The following MED12L variants were observed in gnomAD, a reference collection of about 807,000 sequenced individuals.
MED12L encodes mediator complex subunit 12L.
In MED12L, 60 loss-of-function variants were observed where a neutral mutation model predicts 281.3. The ratio of observed to expected loss-of-function variants is 0.21; its 90% CI spans 0.17 to 0.26. The LOEUF is 0.26. Ranked by LOEUF, MED12L falls within the 10% of genes least tolerant of loss-of-function variation. MED12L has a pLI of 1.00. For synonymous variants in MED12L, 974 were observed against 987.2 expected (o/e 0.99, Z 0.25); for missense variants, 2,146 against 2,680.9 (o/e 0.80, Z 4.41).
intron 17 of MED12L, 85 bp from the exon 18 acceptor site, chr3:151,355,036 C>A: frequency 1.1e-6 from 1 of 935,060 alleles, no homozygotes; most frequent in Non-Finnish European, 1.7e-6. Context: ...TGTATGTATG[C>A]TATACTTTAA....
chr3:151,198,585 C>T (rs758643394), intron 16 of MED12L: 1 of 1,613,894 alleles, frequency 6.2e-7, no homozygotes, highest in African/African-American at 1.3e-5. Flanking sequence ...AGTGTAGCCT[C>T]TTTGGCTTTG....
At chr3:151,369,013 G>A (rs527363901) in intron 25 of MED12L, among the ~76,000 whole-genome samples, 8 of 151,876 alleles carry the variant, frequency 5.3e-5, no homozygotes, top group Non-Finnish European at 1.0e-4. Flanking sequence ...CACCTGCCTC[G>A]GCCTCCCAAA....
intron 27 of MED12L, 95 bp downstream of exon 27, chr3:151,372,861 CT>C (rs1756363495): frequency 6.0e-5 from 51 of 844,402 alleles, no homozygotes; most frequent in Non-Finnish European, 7.4e-5. Flanking sequence ...ATAGGTGGGC[CT>C]TTTTTTCTTG....
At chr3:151,318,747 G>T (rs1337705437) in intron 16 of MED12L, among the ~76,000 whole-genome samples, 1 of 152,074 alleles carries the variant, frequency 6.6e-6, no homozygotes, top group Non-Finnish European at 1.5e-5. Flanking sequence ...AAAAGAGAGG[G>T]CCCTACTGTG....
chr3:151,355,568 A>C (rs1479467014), intron 18 of MED12L, among the ~76,000 whole-genome samples: 2 of 152,208 alleles, frequency 1.3e-5, no homozygotes, highest in Non-Finnish European at 1.5e-5. Flanking sequence ...ATACTACGAC[A>C]TTGAGAAGAA....
chr3:151,281,764 G>A (rs571650597), intron 16 of MED12L, among the ~76,000 whole-genome samples: 17 of 152,080 alleles, frequency 1.1e-4, no homozygotes, highest in Middle Eastern at 3.4e-3. Flanking sequence ...CCCACCCCAC[G>A]TGCTCACACA....
intron 39 of MED12L, among the ~76,000 whole-genome samples, chr3:151,400,869 A>G (rs1446253353): frequency 6.6e-6 from 1 of 152,220 alleles, no homozygotes; most frequent in African/African-American, 2.4e-5. Context: ...TGCACTTACT[A>G]GCTTTATTAA....
intron 20 of MED12L, among the ~76,000 whole-genome samples, chr3:151,360,033 C>A (rs1345288933): frequency 6.6e-6 from 1 of 152,142 alleles, no homozygotes; most frequent in African/African-American, 2.4e-5. Flanking sequence ...TGCTTATGCA[C>A]TTGAAAATGG....
intron 16 of MED12L, among the ~76,000 whole-genome samples, chr3:151,206,301 G>A (rs964106685): frequency 6.6e-6 from 1 of 151,590 alleles, no homozygotes; most frequent in African/African-American, 2.4e-5. Context: ...ATACATGTTT[G>A]GAAATGATTT....
chr3:151,348,622 C>G (rs2150009564), intron 16 of MED12L, among the ~76,000 whole-genome samples: 1 of 149,116 alleles, frequency 6.7e-6, no homozygotes. Flanking sequence ...CATTAAGAAT[C>G]ATTTGGGGGT....
chr3:151,121,127 C>T (rs960213750), intron 3 of MED12L, among the ~76,000 whole-genome samples: 1 of 152,180 alleles, frequency 6.6e-6, no homozygotes, highest in African/African-American at 2.4e-5. Flanking sequence ...GTGTTTTGTG[C>T]TCTTGGTGCA....
At chr3:151,355,446 C>T (rs1172987727) in intron 18 of MED12L, among the ~76,000 whole-genome samples, 1 of 151,886 alleles carries the variant, frequency 6.6e-6, no homozygotes, top group East Asian at 1.9e-4. Flanking sequence ...CTTTTTTTGT[C>T]CTTATGATAA....
At chr3:151,295,247 TG>T (rs1036541662) in intron 16 of MED12L, 2 of 1,430,334 alleles carry the variant, frequency 1.4e-6, no homozygotes, top group South Asian at 1.2e-5. Flanking sequence ...CTTCAGTGCT[TG>T]GCAAGCATGC....
chr3:151,356,630 T>TG, intron 19 of MED12L, among the ~76,000 whole-genome samples: 1 of 152,192 alleles, frequency 6.6e-6, no homozygotes, highest in African/African-American at 2.4e-5. Flanking sequence ...TCTGTTTTTT[T>TG]TTGTTGTTGT....
intron 16 of MED12L, among the ~76,000 whole-genome samples, chr3:151,233,264 C>A (rs1272329975): frequency 6.6e-6 from 1 of 152,202 alleles, no homozygotes; most frequent in Non-Finnish European, 1.5e-5. Flanking sequence ...GCTACGCTGT[C>A]TTGTCATCTC....
chr3:151,292,830 G>A (rs1744452147), intron 16 of MED12L, among the ~76,000 whole-genome samples: 1 of 152,188 alleles, frequency 6.6e-6, no homozygotes, highest in Admixed American at 6.5e-5. Flanking sequence ...TAATTTACCT[G>A]TGACTTTCTG....
chr3:151,296,080 T>C (rs955671229), intron 16 of MED12L, among the ~76,000 whole-genome samples: 8 of 152,238 alleles, frequency 5.3e-5, no homozygotes, highest in Admixed American at 3.3e-4. Context: ...CTCATTCTTA[T>C]TAAGTTTTGC....
At chr3:151,293,853 G>A (rs1459182712) in intron 16 of MED12L, among the ~76,000 whole-genome samples, 1 of 151,990 alleles carries the variant, frequency 6.6e-6, no homozygotes, top group East Asian at 1.9e-4. Context: ...TATACTTTTT[G>A]TTCTCTGCAA....
chr3:151,265,836 C>T (rs1325892712), intron 16 of MED12L, among the ~76,000 whole-genome samples: 2 of 152,038 alleles, frequency 1.3e-5, no homozygotes, highest in Admixed American at 1.3e-4. Flanking sequence ...AGTCAGAACA[C>T]CTATGAAATT....
Sources: allele counts gnomAD v4.1 joint callset (sites outside exome capture counted in the v4.1 genomes callset), GRCh38; gene constraint gnomAD v4.1.1; transcripts MANE v1.5; gene names NCBI Gene and HGNC (gene_info 2026-07-23, HGNC 2026-07-21).